The following PATJ variants were observed in gnomAD, a reference collection of about 807,000 sequenced individuals.
PATJ encodes PATJ crumbs cell polarity complex component.
Under a neutral mutation model 224.9 loss-of-function variants are expected in PATJ, and 190 were observed. The observed-to-expected ratio is 0.84, with a 90% CI of 0.75 to 0.95. PATJ has a LOEUF of 0.95. Ranked by LOEUF, PATJ falls within the 40% of genes least tolerant of loss-of-function variation. The probability of loss-of-function intolerance (pLI) is 0.00; values close to 1 mark genes in which losing one functional copy is unlikely to be tolerated. For missense variants in PATJ, 2,121 were observed against 2,270.3 expected, an observed-to-expected ratio of 0.93 and a Z score of 1.34; for synonymous variants, 769 against 820.3, an observed-to-expected ratio of 0.94 and a Z score of 1.07.
intron 14 of PATJ, among the ~76,000 whole-genome samples, chr1:61,810,731 TAAA>T (rs1654569717): frequency 6.7e-6 from 1 of 149,902 alleles, no homozygotes; most frequent in Non-Finnish European, 1.5e-5. Context: ...AATAAATAAA[TAAA>T]TAAATAAATA....
At chr1:61,751,594 G>A (rs1191470935) in intron 1 of PATJ, among the ~76,000 whole-genome samples, 1 of 152,018 alleles carries the variant, frequency 6.6e-6, no homozygotes, top group Non-Finnish European at 1.5e-5. Context: ...GGGAGGCCAA[G>A]GCAGGCAGAT....
chr1:61,838,624 C>A (rs936238738), intron 17 of PATJ, among the ~76,000 whole-genome samples: 3 of 150,626 alleles, frequency 2.0e-5, no homozygotes, highest in Non-Finnish European at 4.4e-5. Context: ...CCTGCCTTGG[C>A]CTCCCAAAGT....
chr1:61,979,908 T>A (rs926610295), intron 27 of PATJ, among the ~76,000 whole-genome samples: 2 of 152,024 alleles, frequency 1.3e-5, no homozygotes, highest in Non-Finnish European at 2.9e-5. Context: ...TCTTCAGAGA[T>A]AAGGATGCTC....
chr1:61,818,862 T>C (rs943176776), intron 14 of PATJ, among the ~76,000 whole-genome samples: 2 of 152,148 alleles, frequency 1.3e-5, no homozygotes, highest in African/African-American at 2.4e-5. Context: ...ATGGGGGTCA[T>C]CATATGAATA....
chr1:61,949,816 G>C (rs926373887), intron 27 of PATJ, among the ~76,000 whole-genome samples: 1 of 123,854 alleles, frequency 8.1e-6, no homozygotes, highest in Non-Finnish European at 1.9e-5. Context: ...TGAGGCAGGA[G>C]AATCACATGA....
At chr1:62,106,135 C>CGTGTGT (rs1558176269) in intron 33 of PATJ, among the ~76,000 whole-genome samples, 2 of 50,798 alleles carry the variant, frequency 3.9e-5, no homozygotes, top group African/African-American at 6.8e-5. Context: ...CACATATATA[C>CGTGTGT]ATGTGTATAT....
At position 61,856,030 on chromosome 1, in the gene PATJ, G is replaced by A. The variant is rs763419859; in HGVS notation, c.2113G>A (p.Asp705Asn). The change falls in exon 18 of 44, where the codon GAC (aspartate) becomes AAC (asparagine). Residue 705 changes from aspartate (D) to asparagine (N), a missense_variant and splice_region_variant. Transcript: ENST00000642238. ...TCCTTCTTCTTTGCTCGATTCACAG[G>A]ACCCTTTAGATCCTACAAGATCAGT... ...GLGFSILDYQ[D>N]PLDPTRSVIV... is the part of the protein sequence containing the mutation. The A allele has an allele frequency of 3.3e-5, 53 of 1,612,910 alleles. 1 individual carries two copies. Among genetic ancestry groups the A allele is most frequent in the Non-Finnish European group, 4.4e-5 (52 of 1,179,034 alleles).
intron 16 of PATJ, among the ~76,000 whole-genome samples, chr1:61,831,601 A>G (rs1164199297): frequency 6.6e-6 from 1 of 152,226 alleles, no homozygotes; most frequent in Non-Finnish European, 1.5e-5. Flanking sequence ...ACTGATCATT[A>G]GAGAAATGCA....
At chr1:61,822,429 G>GAA (rs11427840) in intron 14 of PATJ, among the ~76,000 whole-genome samples, 72,215 of 116,112 alleles carry the variant, frequency 0.62, 22,219 homozygotes, top group East Asian at 0.84. Context: ...GACTGTGTCA[G>GAA]AAAAAAAAAA....
chr1:62,047,301 G>A (rs1439068385), intron 30 of PATJ, among the ~76,000 whole-genome samples: 3 of 152,214 alleles, frequency 2.0e-5, no homozygotes, highest in Non-Finnish European at 2.9e-5. Context: ...CTGTTGCCCA[G>A]GCTGGAGTGC....
chr1:61,787,505 A>G (rs1001631045), intron 7 of PATJ, among the ~76,000 whole-genome samples: 1 of 152,226 alleles, frequency 6.6e-6, no homozygotes, highest in African/African-American at 2.4e-5. Flanking sequence ...GCATGAGCTT[A>G]TACCCTCAAC....
intron 28 of PATJ, 82 bp from the exon 29 acceptor site, chr1:62,017,774 G>T: frequency 7.7e-6 from 5 of 646,476 alleles, no homozygotes; most frequent in Non-Finnish European, 1.3e-5. Flanking sequence ...AAATTCAGTA[G>T]ACTTTATCAT....
Position 62,006,629 on chromosome 1 carries a change from G to T in PATJ, c.3868-11227G>T, listed in dbSNP as rs527434566. Among the ~76,000 whole-genome samples the T allele has an allele frequency of 2.4e-4, 36 of 152,234 alleles. 1 individual carries two copies. The South Asian group carries it at 7.3e-3, about 31-fold the overall frequency. Reference sequence around the variant, plus strand: ...ATTAACCCTAATTCTACTTCTGCTAGGTTAATGTTATAACTAAGTATCCCA... The same window carrying T: ...ATTAACCCTAATTCTACTTCTGCTATGTTAATGTTATAACTAAGTATCCCA... On this transcript the variant is annotated intron_variant, in intron 28 of 43. Transcript: ENST00000642238.
At chr1:62,033,314 T>C (rs2148487480) in intron 29 of PATJ, among the ~76,000 whole-genome samples, 1 of 152,252 alleles carries the variant, frequency 6.6e-6, no homozygotes, top group South Asian at 2.1e-4. Context: ...ACCAGCCAGC[T>C]TAAACTAAAA....
In PATJ at chr1:61,773,756, C is replaced by T. The variant is rs1570403871; in HGVS notation, c.721-1450C>T. ...GAGCTATTATGCCACTGTACTCCTG[C>T]CTGGGTGACAGAGTGAGACTCTGTC... On this transcript the variant is annotated intron_variant, in intron 6 of 43. Transcript: ENST00000642238. Among the ~76,000 whole-genome samples the T allele has an allele frequency of 2.6e-5, 4 of 151,580 alleles. 1 individual carries two copies. Among genetic ancestry groups the T allele is most frequent in the Admixed American group, 2.6e-4 (4 of 15,216 alleles).
rs760404973 is a variant in PATJ at position 62,121,168 on chromosome 1, G to T, written c.4891-13G>T. The T allele has an allele frequency of 1.1e-5, 17 of 1,586,148 alleles. No individual in the cohort carries two copies. The Admixed American group carries it at 2.0e-4, about 19-fold the overall frequency. ...GTGTCTGCACACAGGTGACCCCTGG[G>T]TCTTTCTTTCAGGGTAGTCAGCAGA... On this transcript the variant is annotated splice_polypyrimidine_tract_variant and intron_variant, in intron 37 of 43. Transcript: ENST00000642238.
rs146906364 is a variant in PATJ at position 62,111,004 on chromosome 1, C to T, written c.4461+2484C>T. ...GATATTTCTCTCATGATTATCGGCA[C>T]ATTTCGTGGTATCTCCTGATTCTCA... On this transcript the variant is annotated intron_variant, in intron 34 of 43. Coordinates refer to ENST00000642238, the MANE Select transcript of PATJ (RefSeq NM_001350145.3). Among the ~76,000 whole-genome samples, 1,129 of 152,302 alleles carry T rather than the reference C, an allele frequency of 7.4e-3. 12 individuals are homozygous for T. The highest frequency in any genetic ancestry group is 0.026 in the African/African-American group (1,075 of 41,550).
intron 29 of PATJ, among the ~76,000 whole-genome samples, chr1:62,029,593 A>G (rs570140516): frequency 2.0e-5 from 3 of 152,358 alleles, no homozygotes; most frequent in Admixed American, 6.5e-5. Flanking sequence ...AAAGTGCTGT[A>G]TATGACATAT....
chr1:61,763,896 A>G (rs1646112804), intron 3 of PATJ, among the ~76,000 whole-genome samples: 2 of 152,134 alleles, frequency 1.3e-5, no homozygotes, highest in African/African-American at 2.4e-5. Flanking sequence ...GGCCTCAAGC[A>G]GTCCTCCTAC....
Sources: gnomAD v4.1 joint callset for allele counts (sites outside exome capture counted in the v4.1 genomes callset) on GRCh38, gnomAD v4.1.1 for gene constraint, MANE v1.5 for transcripts, NCBI Gene and HGNC (gene_info 2026-07-23, HGNC 2026-07-21) for gene names.